Variants in HTR3A observed in about 807,000 individuals in gnomAD.
HTR3A encodes 5-hydroxytryptamine receptor 3A, also known as 5-hydroxytryptamine (serotonin) receptor 3A, ionotropic.
HTR3A carries 45 observed loss-of-function variants against 54.8 expected under a neutral mutation model. The ratio of observed to expected loss-of-function variants is 0.82; its 90% CI spans 0.65 to 1.05. The LOEUF is 1.05. Ranked by LOEUF, HTR3A falls within the 50% of genes least tolerant of loss-of-function variation. The pLI is 0.00. For missense variants in HTR3A, 657 were observed against 614.0 expected (o/e 1.07, Z -0.74); for synonymous variants, 297 against 256.0 (o/e 1.16, Z -1.53).
chr11:113,984,213 T>A (rs887364326), intron 5 of HTR3A, among the ~76,000 whole-genome samples: 1 of 152,054 alleles, frequency 6.6e-6, no homozygotes, highest in Non-Finnish European at 1.5e-5. Context: ...TACCCTCTCA[T>A]CCCCTAGACT....
intron 5 of HTR3A, among the ~76,000 whole-genome samples, chr11:113,985,781 G>T (rs144333616): frequency 6.6e-6 from 1 of 152,196 alleles, no homozygotes; most frequent in East Asian, 1.9e-4. Flanking sequence ...TCTTTGCACC[G>T]TGCATTTTCA....
In HTR3A at chr11:113,977,886, A is replaced by G; in HGVS notation, c.183A>G (p.Val61=). ...GGGACTGGAGGAAGCCAACCACCGT[A>G]TCCATTGACGTCATTGTCTATGCCA... is the stretch of plus-strand genomic sequence containing the variant. ...PVRDWRKPTT[V]SIDVIVYAIL... is the part of the protein sequence containing the mutation. Residue 61 remains valine, a synonymous_variant, in exon 2 of 9, where the codon GTA becomes GTG. Transcript: ENST00000504030. The G allele has an allele frequency of 6.2e-7, 1 of 1,614,216 alleles. No individual in the cohort carries two copies. Among genetic ancestry groups the G allele is most frequent in the South Asian group, 1.1e-5 (1 of 91,076 alleles).
intron 1 of HTR3A, among the ~76,000 whole-genome samples, chr11:113,976,068 A>T (rs1172713511): frequency 5.3e-5 from 8 of 152,080 alleles, no homozygotes; most frequent in African/African-American, 1.9e-4. Context: ...GACCATGTTC[A>T]TTCCCCTCTA....
intron 5 of HTR3A, 97 bp from the exon 6 acceptor site, chr11:113,985,918 C>T: frequency 2.3e-6 from 3 of 1,306,590 alleles, no homozygotes; most frequent in Non-Finnish European, 2.2e-6. Context: ...CGGATATCAG[C>T]TCCCCTTAAT....
rs1248351668 is a variant in HTR3A at position 113,990,058 on chromosome 11, C to T, written c.*295C>T. 1.7e-6 allele frequency: 1 copy of T among 581,214 alleles called. No homozygotes were observed. The highest frequency in any genetic ancestry group is 2.2e-5 in the Admixed American group (1 of 46,204). The allele number at this position is 581,214 out of a possible 1,614,324, so 36.0% of individuals were successfully genotyped here. A position where few individuals can be genotyped will look rare whatever the true frequency, so the allele number is the denominator to read the frequency against. On this transcript the variant is annotated 3_prime_UTR_variant, in exon 9 of 9. Coordinates refer to ENST00000504030, the MANE Select transcript of HTR3A (RefSeq NM_000869.6). ...GAGAAACTCGGGCACTCCCTAAGTCCACTCTAGTTGTGGACTTTTCCCCAT... is the reference window on the plus strand; with the variant it reads ...GAGAAACTCGGGCACTCCCTAAGTCTACTCTAGTTGTGGACTTTTCCCCAT...
At position 113,977,915 on chromosome 11, in the gene HTR3A, T is replaced by G; in HGVS notation, c.212T>G (p.Leu71Arg). The change falls in exon 2 of 9, where the codon CTC (leucine) becomes CGC (arginine). Residue 71 changes from leucine (L) to arginine (R), a missense_variant. Coordinates refer to ENST00000504030, the MANE Select transcript of HTR3A (RefSeq NM_000869.6). ...ATTGACGTCATTGTCTATGCCATCC[T>G]CAACGTGGTGAGGCTCAGCCCCGAG... Reference protein sequence around the residue: ...VSIDVIVYAILNVDEKNQVLT... With the variant: ...VSIDVIVYAIRNVDEKNQVLT... The G allele has an allele frequency of 6.2e-7, 1 of 1,614,168 alleles. No homozygotes were observed. The highest frequency in any genetic ancestry group is 1.1e-5 in the South Asian group (1 of 91,074).
chr11:113,979,926 A>G (rs1950401490), intron 3 of HTR3A, among the ~76,000 whole-genome samples: 1 of 152,222 alleles, frequency 6.6e-6, no homozygotes, highest in African/African-American at 2.4e-5. Flanking sequence ...GACAGCTCAC[A>G]GAGGTCATGC....
chr11:113,987,697 C>T (rs1950508741), intron 8 of HTR3A, among the ~76,000 whole-genome samples: 1 of 152,134 alleles, frequency 6.6e-6, no homozygotes, highest in African/African-American at 2.4e-5. Flanking sequence ...CGCATCACTG[C>T]ATCCCACCTG....
In HTR3A at chr11:113,989,361, AG is replaced by A. The variant is rs1950525127; in HGVS notation, c.1139-103del. 1 of 1,318,678 alleles carries A rather than the reference AG, an allele frequency of 7.6e-7. No homozygotes were observed. The highest frequency in any genetic ancestry group is 2.3e-5 in the East Asian group (1 of 43,436). 81.7% of individuals were successfully genotyped at this position (1,318,678 alleles called of 1,614,324 possible). A position where few individuals can be genotyped will look rare whatever the true frequency, so the allele number is the denominator to read the frequency against. ...CTGGGTGACAGAGTGAGAAAAAAAA[AG>A]TTATTCCCAACAAAAATTTACAGGC... On this transcript the variant is annotated intron_variant, in intron 8 of 8. Coordinates refer to ENST00000504030, the MANE Select transcript of HTR3A (RefSeq NM_000869.6). This position sits in a 1 kb window ranked among gnomAD's most constrained non-coding sequence, Gnocchi z 4.4.
Position 113,983,204 on chromosome 11 carries a change from G to A in HTR3A, c.459G>A (p.Val153=), listed in dbSNP as rs1332108279. The A allele has an allele frequency of 6.2e-7, 1 of 1,614,220 alleles. No individual in the cohort carries two copies. The highest frequency in any genetic ancestry group is 1.3e-5 in the African/African-American group (1 of 75,058). ...GEVQNYKPLQ[V]VTACSLDIYN... ...TTCAGAACTACAAGCCCCTTCAGGT[G>A]GTGACTGCCTGTAGCCTCGACATCT... is the stretch of plus-strand genomic sequence containing the variant. Residue 153 remains valine, a synonymous_variant, in exon 5 of 9, where the codon GTG becomes GTA. Transcript: ENST00000504030.
At chr11:113,983,798 G>A (rs1260711757) in intron 5 of HTR3A, among the ~76,000 whole-genome samples, 3 of 152,012 alleles carry the variant, frequency 2.0e-5, no homozygotes, top group Admixed American at 2.0e-4. Flanking sequence ...TTCTGCTTTA[G>A]CCTCCTAGCT....
rs1394445718 is a variant in HTR3A, at chr11:113,990,213, G to C, written c.*450G>C. 4.4e-6 allele frequency: 2 copies of C among 455,206 alleles called. No individual in the cohort carries two copies. The highest frequency in any genetic ancestry group is 8.8e-6 in the Non-Finnish European group (2 of 227,766). The allele number at this position is 455,206 out of a possible 1,614,324, so 28.2% of individuals were successfully genotyped here. A position where few individuals can be genotyped will look rare whatever the true frequency, so the allele number is the denominator to read the frequency against. Reference sequence around the variant, plus strand: ...CTGTACGAGGCTTCTCTAACCCCTAGTGTCTTTTTTTTCTTCACCTCACTT... The same window carrying C: ...CTGTACGAGGCTTCTCTAACCCCTACTGTCTTTTTTTTCTTCACCTCACTT... On this transcript the variant is annotated 3_prime_UTR_variant, in exon 9 of 9. Transcript: ENST00000504030.
intron 6 of HTR3A, 111 bp downstream of exon 6, chr11:113,986,286 A>T (rs748514634): frequency 2.6e-5 from 36 of 1,371,822 alleles, no homozygotes; most frequent in Non-Finnish European, 3.4e-5. Flanking sequence ...CCAGGGTTGC[A>T]CACATCTGGA....
In HTR3A at chr11:113,989,436, C is replaced by T. The variant is rs747772509; in HGVS notation, c.1139-29C>T. 2 of 1,613,246 alleles carry T rather than the reference C, an allele frequency of 1.2e-6. No homozygotes were observed. The highest frequency in any genetic ancestry group is 1.3e-5 in the African/African-American group (1 of 74,908). ...TCAGGTCACCACCCGGGGTCTCCCT[C>T]TCTTGCCAATGCCCTGCCCTTCTTC... On this transcript the variant is annotated intron_variant, in intron 8 of 8. Coordinates refer to ENST00000504030, the MANE Select transcript of HTR3A (RefSeq NM_000869.6). The surrounding 1 kb of genome is among the most constrained non-coding windows in gnomAD (Gnocchi z 4.4).
chr11:113,977,170 G>C (rs758858367), intron 1 of HTR3A, among the ~76,000 whole-genome samples: 3 of 152,298 alleles, frequency 2.0e-5, no homozygotes, highest in Non-Finnish European at 2.9e-5. Context: ...GGGGCAGGGT[G>C]CGAGGATCCT....
chr11:113,989,434 C>T lies in HTR3A; in HGVS notation c.1139-31C>T, dbSNP rs369930795. On this transcript the variant is annotated intron_variant, in intron 8 of 8. Coordinates refer to ENST00000504030, the MANE Select transcript of HTR3A (RefSeq NM_000869.6). This position sits in a 1 kb window ranked among gnomAD's most constrained non-coding sequence, Gnocchi z 4.4. ...GTTCAGGTCACCACCCGGGGTCTCCCTCTCTTGCCAATGCCCTGCCCTTCT... is the reference window on the plus strand; with the variant it reads ...GTTCAGGTCACCACCCGGGGTCTCCTTCTCTTGCCAATGCCCTGCCCTTCT... 8 of 1,612,976 alleles carry T rather than the reference C, an allele frequency of 5.0e-6. No homozygotes were observed. Among genetic ancestry groups the T allele is most frequent in the African/African-American group, 2.7e-5 (2 of 74,896 alleles).
rs1253493269 is a variant in HTR3A at position 113,989,815 on chromosome 11, G to T, written c.*52G>T. 3 of 1,584,578 alleles carry T rather than the reference G, an allele frequency of 1.9e-6. No individual in the cohort carries two copies. In the African/African-American group the frequency reaches 4.0e-5, roughly 21 times the overall value. On this transcript the variant is annotated 3_prime_UTR_variant, in exon 9 of 9. Transcript: ENST00000504030. This position sits in a 1 kb window ranked among gnomAD's most constrained non-coding sequence, Gnocchi z 4.4. ...GTACAGTCCTGGTTAGGTGGGGACA[G>T]AGGATTTCTGCTTAGGCCCCTCAGG...
chr11:113,979,131 A>G, intron 2 of HTR3A, 102 bp from the exon 3 acceptor site: 3 of 908,128 alleles, frequency 3.3e-6, no homozygotes, highest in Non-Finnish European at 5.5e-6. Context: ...CACTTCCCAA[A>G]GCAATAGGGA....
At chr11:113,978,858 A>G (rs1950387128) in intron 2 of HTR3A, among the ~76,000 whole-genome samples, 1 of 152,106 alleles carries the variant, frequency 6.6e-6, no homozygotes, top group African/African-American at 2.4e-5. Context: ...GCATGGTGGC[A>G]CACACCTGTA....
Sources: gnomAD v4.1 joint callset for allele counts (sites outside exome capture counted in the v4.1 genomes callset) on GRCh38, gnomAD v4.1.1 for gene constraint, Gnocchi (gnomAD v3.1) non-coding constraint, MANE v1.5 for transcripts, NCBI Gene and HGNC (gene_info 2026-07-23, HGNC 2026-07-21) for gene names.